The following NBPF12 variants were observed in gnomAD, a reference collection of about 807,000 sequenced individuals.
NBPF12 encodes the protein NBPF family member NBPF12.
In NBPF12, 115 loss-of-function variants were observed where a neutral mutation model predicts 146.4. The ratio of observed to expected loss-of-function variants is 0.79; its 90% CI spans 0.68 to 0.92. The LOEUF (loss-of-function observed/expected upper bound fraction) is 0.92, where lower values mean the gene tolerates loss of function less well. NBPF12 is among the 40% of genes least tolerant of loss of function. The pLI, the probability that NBPF12 is intolerant of heterozygous loss-of-function variation, is 0.00. For synonymous variants in NBPF12, 385 were observed against 508.9 expected (o/e 0.76, Z 3.28); for missense variants, 1,205 against 1,326.8 (o/e 0.91, Z 1.43).
intron 15 of NBPF12, among the ~76,000 whole-genome samples, chr1:146,975,101 A>T (rs1270828405): frequency 1.6e-5 from 2 of 127,598 alleles, no homozygotes; most frequent in Non-Finnish European, 3.2e-5. Context: ...CACAAAATTA[A>T]CCAAAGGAGT....
At chr1:146,971,240 C>G (rs1213783096) in exon 13 of NBPF12, 104 of 1,612,114 alleles carry the variant, frequency 6.5e-5, no homozygotes, top group Non-Finnish European at 8.3e-5. Context: ...AGGAATGTGC[C>G]ATCACTTGTT....
intron 1 of NBPF12, among the ~76,000 whole-genome samples, chr1:146,939,468 T>G (rs1178965309): frequency 4.0e-4 from 61 of 151,902 alleles, no homozygotes; most frequent in Non-Finnish European, 7.9e-4. Context: ...CCAGGATGCA[T>G]GTGAGGAGCG....
chr1:146,948,855 T>TAGGAGTAAAGCCATCTACTCGG (rs1655193912), upstream of NBPF12, among the ~76,000 whole-genome samples: 1 of 151,504 alleles, frequency 6.6e-6, no homozygotes, highest in African/African-American at 2.4e-5. Flanking sequence ...TAAAGCCCGA[T>TAGGAGTAAAGCCATCTACTCGG]TGTATATTCC....
At chr1:146,954,492 A>G (rs1213034291) in intron 2 of NBPF12, among the ~76,000 whole-genome samples, 1 of 148,420 alleles carries the variant, frequency 6.7e-6, no homozygotes, top group African/African-American at 2.5e-5. Context: ...GAAAGAACTA[A>G]ATTAGTGGGG....
chr1:146,983,040 A>AG lies in NBPF12; in HGVS notation c.2563_2564insG (p.Thr855SerfsTer15), dbSNP rs2101905029. On this transcript the variant is annotated frameshift_variant, in exon 20 of 34. Coordinates refer to ENST00000617844, the Ensembl canonical transcript of NBPF12. LOFTEE classifies it high-confidence loss of function. The stretch of plus-strand genomic sequence containing the variant: ...GGCCTCATACCAGTCTTACAGCAGC[A>AG]CATTTCACTCATTAGAGGAACAGCA... The AG allele has an allele frequency of 6.2e-7, 1 of 1,607,818 alleles. No individual in the cohort carries two copies. Among genetic ancestry groups the AG allele is most frequent in the East Asian group, 2.2e-5 (1 of 44,738 alleles).
At chr1:146,972,711 A>G (rs1553886751) in intron 13 of NBPF12, 40 bp from the exon 17 acceptor site, 7 of 1,382,976 alleles carry the variant, frequency 5.1e-6, no homozygotes, top group African/African-American at 1.4e-5. Flanking sequence ...TCATTTCATC[A>G]GTTTTTAACC....
At chr1:146,961,969 T>C (rs1290569804) in intron 4 of NBPF12, among the ~76,000 whole-genome samples, 192 bp from the exon 8 acceptor site, 1 of 152,078 alleles carries the variant, frequency 6.6e-6, no homozygotes, top group Non-Finnish European at 1.5e-5. Context: ...TCTTTCTTCG[T>C]CTTTAAATTT....
chr1:146,939,218 C>T (rs1654679889), intron 1 of NBPF12, among the ~76,000 whole-genome samples: 1 of 152,042 alleles, frequency 6.6e-6, no homozygotes, highest in South Asian at 2.1e-4. Flanking sequence ...AAGAAACTCC[C>T]TGGCGGGTGT....
chr1:146,982,323 G>A (rs1657449381), intron 19 of NBPF12, among the ~76,000 whole-genome samples: 2 of 146,996 alleles, frequency 1.4e-5, no homozygotes, highest in African/African-American at 5.1e-5. Context: ...CTCAGCTTCA[G>A]GTCTGTTGGA....
chr1:146,944,442 G>A (rs1426608275), upstream of NBPF12, among the ~76,000 whole-genome samples: 2 of 146,906 alleles, frequency 1.4e-5, no homozygotes, highest in Non-Finnish European at 3.0e-5. Context: ...ACAAATGGAC[G>A]ATGTCAGACC....
At chr1:146,967,416 C>CT (rs1156577967) in intron 9 of NBPF12, among the ~76,000 whole-genome samples, 2 of 150,476 alleles carry the variant, frequency 1.3e-5, no homozygotes, top group Non-Finnish European at 2.9e-5. Flanking sequence ...CAGTAGAATC[C>CT]TTTGAACCCA....
At chr1:146,972,927 G>A (rs1656747961) in exon 14 of NBPF12, 10 of 974,306 alleles carry the variant, frequency 1.0e-5, no homozygotes, top group African/African-American at 1.6e-5. Context: ...AACTCAAGTG[G>A]CCTGCTTCCT....
upstream of NBPF12, among the ~76,000 whole-genome samples, chr1:146,944,926 GCCTCCCTCCCTC>G (rs1308578721): frequency 8.7e-5 from 2 of 23,004 alleles, no homozygotes; most frequent in South Asian, 4.9e-3. Context: ...CTCCCTCCCT[GCCTCCCTCCCTC>G]CCTCCCTTCT....
Position 146,962,562 on chromosome 1 carries a change from A to C in NBPF12, c.278+299A>C, listed in dbSNP as rs1395186562. On this transcript the variant is annotated intron_variant, in intron 5 of 33. Coordinates refer to ENST00000617844, the Ensembl canonical transcript of NBPF12. The stretch of plus-strand genomic sequence containing the variant: ...ACCTAGCAGCATTCAGTATACTCAA[A>C]ATGGTGTGCTATTGCCACCCCACTT... 2.0e-5 allele frequency among the ~76,000 whole-genome samples: 3 copies of C among 151,614 alleles called. No homozygotes were observed. In the East Asian group the frequency reaches 5.8e-4, roughly 29 times the overall value.
chr1:146,965,243 T>C, intron 8 of NBPF12, 139 bp downstream of exon 11: 3 of 693,640 alleles, frequency 4.3e-6, no homozygotes, highest in Admixed American at 4.4e-5. Flanking sequence ...CTCACACATA[T>C]AATCACAGCA....
intron 22 of NBPF12, among the ~76,000 whole-genome samples, chr1:146,985,465 G>C (rs1657694684): frequency 6.6e-6 from 1 of 151,612 alleles, no homozygotes; most frequent in Admixed American, 6.6e-5. Context: ...GCACAAACTT[G>C]GGAGAAATGA....
chr1:146,938,678 A>G (rs1323312990), upstream of NBPF12: 1 of 151,808 alleles, frequency 6.6e-6, no homozygotes, highest in Non-Finnish European at 1.5e-5. Context: ...TGTGCGGTAG[A>G]GGCAGCCGGG....
At chr1:146,994,772 A>T (rs1264568062) in exon 34 of NBPF12, 34 of 919,738 alleles carry the variant, frequency 3.7e-5, no homozygotes, top group Non-Finnish European at 4.9e-5. Flanking sequence ...GTTAGGTGTG[A>T]CACGTTCACA....
chr1:146,949,443 G>A (rs1432854759), intron 1 of NBPF12, 21 bp downstream of exon 4: 1 of 132,322 alleles, frequency 7.6e-6, no homozygotes, highest in Non-Finnish European at 1.6e-5. Flanking sequence ...TATTTTTACT[G>A]TAGTTCTTTC....
Sources: gnomAD v4.1 joint callset for allele counts (sites outside exome capture counted in the v4.1 genomes callset) on GRCh38, gnomAD v4.1.1 for gene constraint, MANE v1.5 for transcripts, NCBI Gene and HGNC (gene_info 2026-07-23, HGNC 2026-07-21) for gene names.